Variants in TET1 observed in about 807,000 individuals in gnomAD.
TET1 encodes the protein methylcytosine dioxygenase TET1.
A neutral mutation model predicts 148.7 loss-of-function variants in TET1; 13 were observed. The observed-to-expected ratio is 0.09, with a 90% CI of 0.06 to 0.14. The LOEUF (loss-of-function observed/expected upper bound fraction) is 0.14. Ranked by LOEUF, TET1 falls within the 10% of genes least tolerant of loss-of-function variation. The probability of loss-of-function intolerance (pLI) is 1.00; values close to 1 mark genes in which losing one functional copy is unlikely to be tolerated. For synonymous variants in TET1, 907 were observed against 937.2 expected (o/e 0.97, Z 0.59); for missense variants, 2,182 against 2,553.8 (o/e 0.85, Z 3.14).
chr10:68,690,663 T>A, intron 11 of TET1, 145 bp from the exon 12 acceptor site: 1 of 589,092 alleles, frequency 1.7e-6, no homozygotes, highest in East Asian at 3.1e-5. Flanking sequence ...GTTTGTGATT[T>A]GAAATGAACA....
chr10:68,660,343 C>CTTTT (rs35395692), intron 6 of TET1, among the ~76,000 whole-genome samples: 3 of 138,330 alleles, frequency 2.2e-5, no homozygotes, highest in African/African-American at 5.4e-5. Context: ...TCTTCTTCTT[C>CTTTT]TTTTTTTTTT....
chr10:68,597,734 T>A (rs996925350), intron 2 of TET1, among the ~76,000 whole-genome samples: 1 of 152,238 alleles, frequency 6.6e-6, no homozygotes, highest in African/African-American at 2.4e-5. Flanking sequence ...AAATGTGTTA[T>A]GTACATACAA....
At chr10:68,570,851 T>A (rs1198587321) in intron 1 of TET1, among the ~76,000 whole-genome samples, 2 of 151,734 alleles carry the variant, frequency 1.3e-5, no homozygotes, top group Non-Finnish European at 2.9e-5. Context: ...GGCAGGATGG[T>A]CTCGATCTCC....
At chr10:68,615,294 CCA>C (rs1335628971) in intron 3 of TET1, among the ~76,000 whole-genome samples, 3 of 151,984 alleles carry the variant, frequency 2.0e-5, no homozygotes, top group African/African-American at 4.8e-5. Context: ...CTCTCTCTCT[CCA>C]CACAGTTTTT....
intron 3 of TET1, among the ~76,000 whole-genome samples, chr10:68,607,271 T>C (rs2054137492): frequency 6.6e-6 from 1 of 152,176 alleles, no homozygotes; most frequent in East Asian, 1.9e-4. Context: ...TGTGTTTTGA[T>C]AGTGCCGGAT....
At chr10:68,638,505 C>T (rs1392331557) in intron 3 of TET1, among the ~76,000 whole-genome samples, 4 of 151,918 alleles carry the variant, frequency 2.6e-5, no homozygotes, top group African/African-American at 7.3e-5. Flanking sequence ...ATGGTATGTC[C>T]GTGGTATTAA....
At chr10:68,657,176 A>T (rs542491501) in intron 6 of TET1, among the ~76,000 whole-genome samples, 13 of 151,892 alleles carry the variant, frequency 8.6e-5, no homozygotes, top group African/African-American at 1.7e-4. Flanking sequence ...TACAAAAAAA[A>T]TTTTTTTTCT....
rs549928554 is a variant in TET1, at chr10:68,640,988, C to G, written c.1969-3710C>G. 3.3e-5 allele frequency among the ~76,000 whole-genome samples: 5 copies of G among 150,482 alleles called. No individual in the cohort carries two copies. In the South Asian group the frequency reaches 1.1e-3, roughly 32 times the overall value. ...TTATATGATGGTCGCATTTTAGTGT[C>G]CATAGTCTTATTGCAATACTACTAC... On this transcript the variant is annotated intron_variant, in intron 3 of 11. Coordinates refer to ENST00000373644, the MANE Select transcript of TET1 (RefSeq NM_030625.3).
chr10:68,582,918 T>G (rs1012337651), intron 2 of TET1, among the ~76,000 whole-genome samples: 5 of 152,304 alleles, frequency 3.3e-5, no homozygotes, highest in South Asian at 4.1e-4. Flanking sequence ...AAACTTTTGT[T>G]GTTTAGTAGA....
chr10:68,576,744 C>G (rs535442316), intron 2 of TET1, among the ~76,000 whole-genome samples: 1 of 152,040 alleles, frequency 6.6e-6, no homozygotes, highest in Admixed American at 6.6e-5. Context: ...TTTTCATTTT[C>G]TTTTCTGAGA....
chr10:68,648,912 AAC>A (rs1442081195), intron 4 of TET1, among the ~76,000 whole-genome samples: 1 of 152,172 alleles, frequency 6.6e-6, no homozygotes, highest in Non-Finnish European at 1.5e-5. Context: ...CACACCAGCT[AAC>A]ACACAGTTTT....
intron 1 of TET1, among the ~76,000 whole-genome samples, chr10:68,571,909 C>T (rs2053674595): frequency 6.6e-6 from 1 of 152,040 alleles, no homozygotes; most frequent in Non-Finnish European, 1.5e-5. Flanking sequence ...GGCTTGAGCC[C>T]AGTTAGAGAC....
At chr10:68,626,089 C>CAAAAAAAAAAAA (rs768111191) in intron 3 of TET1, among the ~76,000 whole-genome samples, 31 of 34,434 alleles carry the variant, frequency 9.0e-4, no homozygotes, top group Admixed American at 2.3e-3. Context: ...GACCCTATCT[C>CAAAAAAAAAAAA]AAAAAAAAGA....
chr10:68,634,340 C>T (rs2054619695), intron 3 of TET1, among the ~76,000 whole-genome samples: 1 of 152,172 alleles, frequency 6.6e-6, no homozygotes, highest in South Asian at 2.1e-4. Flanking sequence ...AGTTAACATC[C>T]TTTGACACAC....
At chr10:68,659,518 C>T (rs941281675) in intron 6 of TET1, among the ~76,000 whole-genome samples, 5 of 152,008 alleles carry the variant, frequency 3.3e-5, no homozygotes, top group African/African-American at 1.2e-4. Flanking sequence ...GGGGTTTCAC[C>T]ATGTTACCCA....
chr10:68,583,674 A>C (rs1280471749), intron 2 of TET1, among the ~76,000 whole-genome samples: 1 of 152,192 alleles, frequency 6.6e-6, no homozygotes, highest in Non-Finnish European at 1.5e-5. Context: ...GCACTTCGGG[A>C]GGCCGAGGCA....
In TET1 at chr10:68,692,372, A is replaced by G. The variant is rs549198065; in HGVS notation, c.*558A>G. On this transcript the variant is annotated 3_prime_UTR_variant, in exon 12 of 12. Coordinates refer to ENST00000373644, the MANE Select transcript of TET1 (RefSeq NM_030625.3). ...TCTTAAAATATTTCTCCTGTGTAAA[A>G]TAAATCATTGTTGTTAGTAATGGTT... is the stretch of plus-strand genomic sequence containing the variant. 2 of 232,248 alleles carry G rather than the reference A, an allele frequency of 8.6e-6. No individual in the cohort carries two copies. Among genetic ancestry groups the G allele is most frequent in the Non-Finnish European group, 1.7e-5 (2 of 117,236 alleles). The allele number at this position is 232,248 out of a possible 1,614,324, so 14.4% of individuals were successfully genotyped here.
At chr10:68,601,473 G>A (rs565788445) in intron 3 of TET1, among the ~76,000 whole-genome samples, 53 of 152,272 alleles carry the variant, frequency 3.5e-4, no homozygotes, top group African/African-American at 1.2e-3. Context: ...CAAAGAAAAA[G>A]TCCTTAATGT....
At chr10:68,687,548 G>C (rs1313009257) in intron 11 of TET1, among the ~76,000 whole-genome samples, 2 of 152,064 alleles carry the variant, frequency 1.3e-5, no homozygotes, top group Non-Finnish European at 2.9e-5. Flanking sequence ...TGGTATTGTG[G>C]GTTGTCGTTG....
Sources: allele counts gnomAD v4.1 joint callset (sites outside exome capture counted in the v4.1 genomes callset), GRCh38; gene constraint gnomAD v4.1.1; transcripts MANE v1.5; gene names NCBI Gene and HGNC (gene_info 2026-07-23, HGNC 2026-07-21).